The following NOS1 variants were observed in gnomAD, a reference collection of about 807,000 sequenced individuals.
NOS1 encodes the protein nitric oxide synthase 1.
In NOS1, 51 loss-of-function variants were observed where a neutral mutation model predicts 164.5. The ratio of observed to expected loss-of-function variants is 0.31; its 90% CI spans 0.25 to 0.39. NOS1 has a LOEUF of 0.39. Among genes scored for constraint, NOS1 ranks in the 10% least tolerant of loss-of-function variants. The probability of loss-of-function intolerance (pLI) is 1.00; values close to 1 mark genes in which losing one functional copy is unlikely to be tolerated. For missense variants in NOS1, 1,362 were observed against 1,885.6 expected, an observed-to-expected ratio of 0.72 and a Z score of 5.14; for synonymous variants, 719 against 745.8, an observed-to-expected ratio of 0.96 and a Z score of 0.59.
intron 22 of NOS1, among the ~76,000 whole-genome samples, chr12:117,228,386 T>C (rs1410621231): frequency 6.6e-6 from 1 of 152,124 alleles, no homozygotes; most frequent in Non-Finnish European, 1.5e-5. Flanking sequence ...AGACGCACTA[T>C]GGAAGGGAGT....
Position 117,211,807 on chromosome 12 carries a change from T to C in NOS1, c.*3502A>G, listed in dbSNP as rs1956532540. The C allele has an allele frequency of 1.0e-6, 1 of 985,244 alleles. No homozygotes were observed. Among genetic ancestry groups the C allele is most frequent in the African/African-American group, 1.7e-5 (1 of 57,366 alleles). The allele number at this position is 985,244 out of a possible 1,614,324, so 61.0% of individuals were successfully genotyped here. ...TTGGCTGGGCGTGGTGGCTCATGCC[T>C]GTAATCCAGCACTTTGGGAGGCTGA... On this transcript the variant is annotated 3_prime_UTR_variant, in exon 29 of 29. Coordinates refer to ENST00000317775, the MANE Select transcript of NOS1 (RefSeq NM_000620.5).
rs527375778 is a variant in NOS1, at chr12:117,246,914, G to T, written c.2823+434C>A. On this transcript the variant is annotated intron_variant, in intron 18 of 28. Transcript: ENST00000317775. ...ATTAGTTTAAGTTTAAATTTAAATG[G>T]CTATGTGTGGCTAGTGGCTACCATA... 2.6e-5 allele frequency among the ~76,000 whole-genome samples: 4 copies of T among 152,142 alleles called. No homozygotes were observed. The East Asian group carries it at 7.7e-4, about 29-fold the overall frequency.
At chr12:117,305,979 A>T (rs536689819) in intron 3 of NOS1, among the ~76,000 whole-genome samples, 66 of 152,004 alleles carry the variant, frequency 4.3e-4, no homozygotes, top group African/African-American at 1.5e-3. Context: ...TTTAGTAGAG[A>T]CGGAGTTTCA....
intron 24 of NOS1, among the ~76,000 whole-genome samples, chr12:117,226,107 T>C (rs1436857953): frequency 6.6e-6 from 1 of 152,226 alleles, no homozygotes; most frequent in African/African-American, 2.4e-5. Context: ...GAGATTTGGA[T>C]CATTATCAAT....
intron 8 of NOS1, among the ~76,000 whole-genome samples, chr12:117,279,322 T>C (rs1296226982): frequency 6.6e-6 from 1 of 151,938 alleles, no homozygotes; most frequent in Non-Finnish European, 1.5e-5. Context: ...TGAGCTGAGA[T>C]TGCACCACTG....
intron 1 of NOS1, among the ~76,000 whole-genome samples, chr12:117,346,246 G>A (rs533106171): frequency 6.6e-6 from 1 of 152,296 alleles, no homozygotes; most frequent in African/African-American, 2.4e-5. Context: ...TGAGGCGAGC[G>A]GATCACCTGA....
chr12:117,333,819 G>T (rs370131346), intron 1 of NOS1, among the ~76,000 whole-genome samples: 1 of 152,136 alleles, frequency 6.6e-6, no homozygotes, highest in Non-Finnish European at 1.5e-5. Context: ...ATCCAGGACC[G>T]CTGTGCCCTT....
rs77494293 is a variant in NOS1 at position 117,279,684 on chromosome 12, G to A, written c.1524+1041C>T. 8.1e-3 allele frequency among the ~76,000 whole-genome samples: 1,227 copies of A among 152,344 alleles called. 12 individuals are homozygous for A. Among genetic ancestry groups the A allele is most frequent in the South Asian group, 0.037 (179 of 4,822 alleles). ...GTTTCCAGAGATGGAGCGAGAGGAA[G>A]AGGTTGGGGCATTTATGTTCTGGTG... On this transcript the variant is annotated intron_variant, in intron 8 of 28. Transcript: ENST00000317775.
At chr12:117,293,975 G>A (rs565065114) in intron 3 of NOS1, among the ~76,000 whole-genome samples, 16 of 152,160 alleles carry the variant, frequency 1.1e-4, no homozygotes, top group East Asian at 1.9e-4. Flanking sequence ...GTGTCTTCCA[G>A]GAGGAGTCTT....
intron 14 of NOS1, 86 bp from the exon 15 acceptor site, chr12:117,259,216 G>A (rs905527883): frequency 3.5e-6 from 3 of 867,114 alleles, no homozygotes; most frequent in East Asian, 2.5e-5. Context: ...AAAAGTGATG[G>A]GGGAAGGGCA....
chr12:117,238,434 C>A (rs1316536656), intron 20 of NOS1, among the ~76,000 whole-genome samples: 1 of 151,446 alleles, frequency 6.6e-6, no homozygotes, highest in Non-Finnish European at 1.5e-5. Context: ...ATCTATAAAC[C>A]CCCCTGCATT....
In NOS1 at chr12:117,209,602, T is replaced by C; in HGVS notation, c.*5707A>G. 1.0e-6 allele frequency: 1 copy of C among 985,476 alleles called. No homozygotes were observed. 61.0% of individuals were successfully genotyped at this position (985,476 alleles called of 1,614,324 possible). On this transcript the variant is annotated 3_prime_UTR_variant, in exon 29 of 29. Transcript: ENST00000317775. ...CGCTTGACCAGAACTGTTTGGGTAT[T>C]TTAGAACAAAACAAACTCATATAAA...
At chr12:117,242,751 T>C in intron 19 of NOS1, 46 bp from the exon 20 acceptor site, 2 of 1,580,474 alleles carry the variant, frequency 1.3e-6, no homozygotes, top group South Asian at 1.1e-5. Flanking sequence ...GGTTGAATGT[T>C]CCATTAAAAA....
chr12:117,247,389 G>A lies in NOS1; in HGVS notation c.2782C>T (p.Gln928Ter). Residue 928 changes from glutamine (Q) to a stop codon, truncating the protein, a stop_gained, in exon 18 of 29, where the codon CAG becomes TAG. Coordinates refer to ENST00000317775, the MANE Select transcript of NOS1 (RefSeq NM_000620.5). LOFTEE classifies it high-confidence loss of function. ...GCCCAGGTCCTGAAAGCCTCTTCCT[G>A]CCCACAGAGCTCATCCCCTTCCCTC... Reference protein sequence around the residue: ...KMREGDELCGQEEAFRTWAKK... With the variant: ...KMREGDELCG 6.2e-7 allele frequency: 1 copy of A among 1,608,560 alleles called. No individual in the cohort carries two copies. The highest frequency in any genetic ancestry group is 8.5e-7 in the Non-Finnish European group (1 of 1,177,756).
rs1956476712 is a variant in NOS1 at position 117,208,484 on chromosome 12, C to CGT, written c.*6823_*6824dup. ...CCCAAGCCCGGAACGGACACTGCGA[C>CGT]GTGGGGTGCCCGGCACCGCTCTTTG... On this transcript the variant is annotated 3_prime_UTR_variant, in exon 29 of 29. Transcript: ENST00000317775. 7.9e-7 allele frequency: 1 copy of CGT among 1,262,662 alleles called. No individual in the cohort carries two copies. Among genetic ancestry groups the CGT allele is most frequent in the Non-Finnish European group, 1.0e-6 (1 of 972,816 alleles). The allele number at this position is 1,262,662 out of a possible 1,614,324, so 78.2% of individuals were successfully genotyped here.
intron 1 of NOS1, chr12:117,347,981 C>A (rs1311736205): frequency 6.6e-6 from 1 of 151,596 alleles, no homozygotes; most frequent in Non-Finnish European, 1.5e-5. Flanking sequence ...CTTCCTTCCT[C>A]CATTCCAAGG....
chr12:117,334,963 C>T (rs1875735600), intron 1 of NOS1, among the ~76,000 whole-genome samples: 3 of 152,144 alleles, frequency 2.0e-5, no homozygotes, highest in Admixed American at 2.0e-4. Context: ...TGGCTCTATC[C>T]GGGTGTTTCT....
intron 8 of NOS1, 57 bp from the exon 9 acceptor site, chr12:117,278,155 C>A: frequency 3.3e-6 from 5 of 1,533,294 alleles, no homozygotes; most frequent in South Asian, 1.2e-5. Context: ...CAAACACAAC[C>A]CTTATGTGGG....
At position 117,277,440 on chromosome 12, in the gene NOS1, C is replaced by T. The variant is rs376096944; in HGVS notation, c.1664+519G>A. 1.7e-4 allele frequency among the ~76,000 whole-genome samples: 26 copies of T among 151,130 alleles called. No homozygotes were observed. In the East Asian group the frequency reaches 4.9e-3, roughly 29 times the overall value. On this transcript the variant is annotated intron_variant, in intron 9 of 28. Coordinates refer to ENST00000317775, the MANE Select transcript of NOS1 (RefSeq NM_000620.5). Reference sequence around the variant, plus strand: ...TCTCTACTAAAAACACAAAAATTGGCCAAGCATGGTGGTGTGTGGCTGTAA... The same window carrying T: ...TCTCTACTAAAAACACAAAAATTGGTCAAGCATGGTGGTGTGTGGCTGTAA...
Sources: allele counts gnomAD v4.1 joint callset (sites outside exome capture counted in the v4.1 genomes callset), GRCh38; gene constraint gnomAD v4.1.1; transcripts MANE v1.5; gene names NCBI Gene and HGNC (gene_info 2026-07-23, HGNC 2026-07-21).